The following PALM2AKAP2 variants were observed in gnomAD, a reference collection of about 807,000 sequenced individuals.
PALM2AKAP2 encodes PALM2-AKAP2 fusion protein.
Under a neutral mutation model 71.5 loss-of-function variants are expected in PALM2AKAP2, and 37 were observed. That is an observed-to-expected ratio of 0.52 (90% CI 0.40 to 0.68). The LOEUF (loss-of-function observed/expected upper bound fraction) is 0.68. PALM2AKAP2 is among the 30% of genes least tolerant of loss of function. The pLI is 0.00. For missense variants in PALM2AKAP2, 1,224 were observed against 1,191.8 expected (o/e 1.03, Z -0.40); for synonymous variants, 468 against 478.8 (o/e 0.98, Z 0.29).
intron 1 of PALM2AKAP2, among the ~76,000 whole-genome samples, chr9:109,859,543 T>C (rs868583581): frequency 1.5e-4 from 23 of 152,202 alleles, no homozygotes; most frequent in African/African-American, 5.3e-4. Flanking sequence ...CCAACAAATG[T>C]GTACAAATAT....
At chr9:110,115,120 C>T (rs1346517036) in intron 1 of PALM2AKAP2, among the ~76,000 whole-genome samples, 1 of 152,164 alleles carries the variant, frequency 6.6e-6, no homozygotes, top group African/African-American at 2.4e-5. Context: ...TGGACGGAAA[C>T]AGCTGACCAG....
At chr9:109,701,094 GTATA>G (rs892385976) in intron 1 of PALM2AKAP2, among the ~76,000 whole-genome samples, 3 of 152,100 alleles carry the variant, frequency 2.0e-5, no homozygotes, top group Non-Finnish European at 4.4e-5. Flanking sequence ...TAAGGTTGGG[GTATA>G]TATATTATGG....
At chr9:109,974,683 C>T (rs967613705) in intron 6 of PALM2AKAP2, among the ~76,000 whole-genome samples, 4 of 152,134 alleles carry the variant, frequency 2.6e-5, no homozygotes, top group Non-Finnish European at 4.4e-5. Flanking sequence ...GTAAGAAATA[C>T]CATTTTCTCA....
intron 5 of PALM2AKAP2, 73 bp from the exon 6 acceptor site, chr9:109,931,854 T>A: frequency 6.5e-7 from 1 of 1,527,054 alleles, no homozygotes; most frequent in South Asian, 1.2e-5. Flanking sequence ...GCAGACAAGC[T>A]GCTGTCTCGG....
intron 1 of PALM2AKAP2, among the ~76,000 whole-genome samples, chr9:109,819,682 G>A: frequency 9.2e-6 from 1 of 108,902 alleles, no homozygotes; most frequent in African/African-American, 3.0e-5. Flanking sequence ...CGTAAATAAA[G>A]GCCTAATTAT....
intron 6 of PALM2AKAP2, among the ~76,000 whole-genome samples, chr9:109,935,327 C>T (rs1831196241): frequency 6.6e-6 from 1 of 152,118 alleles, no homozygotes; most frequent in African/African-American, 2.4e-5. Context: ...CATGTTGGAA[C>T]CAAAGTCAGA....
At chr9:110,035,011 A>G (rs1308199892) in intron 7 of PALM2AKAP2, among the ~76,000 whole-genome samples, 2 of 151,666 alleles carry the variant, frequency 1.3e-5, no homozygotes, top group Non-Finnish European at 2.9e-5. Flanking sequence ...ATGAAAGGTC[A>G]ATTGAATTCG....
chr9:109,995,384 T>C (rs72754933), intron 6 of PALM2AKAP2, among the ~76,000 whole-genome samples: 1,594 of 152,276 alleles, frequency 0.01, 23 homozygotes, highest in African/African-American at 0.032. Context: ...CCAAGCACCA[T>C]GCCTGCAACA....
intron 1 of PALM2AKAP2, among the ~76,000 whole-genome samples, chr9:109,720,438 T>C (rs1327887618): frequency 6.6e-6 from 1 of 152,168 alleles, no homozygotes; most frequent in Non-Finnish European, 1.5e-5. Context: ...ATTGAGACTA[T>C]TGGTAGATCC....
At chr9:109,960,854 G>A (rs1831840625) in intron 6 of PALM2AKAP2, among the ~76,000 whole-genome samples, 1 of 152,180 alleles carries the variant, frequency 6.6e-6, no homozygotes, top group African/African-American at 2.4e-5. Flanking sequence ...CAGAATCATA[G>A]ACAAATTGTC....
chr9:110,117,972 T>TG (rs1564314548), intron 1 of PALM2AKAP2, among the ~76,000 whole-genome samples: 10 of 137,054 alleles, frequency 7.3e-5, no homozygotes, highest in African/African-American at 3.0e-4. Context: ...TATATGTCGT[T>TG]TTGTGTGTGT....
rs188665578 is a variant in PALM2AKAP2 at position 109,834,892 on chromosome 9, G to A, written c.46-32599G>A. Among the ~76,000 whole-genome samples, 76 of 152,192 alleles carry A rather than the reference G, an allele frequency of 5.0e-4. No individual in the cohort carries two copies. In the East Asian group the frequency reaches 0.011, roughly 22 times the overall value. On this transcript the variant is annotated intron_variant, in intron 1 of 9. Coordinates refer to the PALM2AKAP2 transcript ENST00000302798. ...GCATCCAGCTTCTCACCCATCTTTC[G>A]CTCAATTCATCCCTTTAATCATTTA...
chr9:110,090,098 C>T (rs947978169), intron 1 of PALM2AKAP2: 2 of 238,594 alleles, frequency 8.4e-6, no homozygotes, highest in Admixed American at 5.1e-5. Context: ...TTTCATTTGC[C>T]CTTGAAGGCT....
intron 1 of PALM2AKAP2, among the ~76,000 whole-genome samples, chr9:109,697,894 C>A (rs1291161430): frequency 6.6e-6 from 1 of 152,180 alleles, no homozygotes; most frequent in Admixed American, 6.5e-5. Flanking sequence ...AATTACCATT[C>A]ATTTTACCGC....
intron 1 of PALM2AKAP2, among the ~76,000 whole-genome samples, chr9:110,117,409 G>A (rs1835387064): frequency 6.6e-6 from 1 of 152,098 alleles, no homozygotes; most frequent in South Asian, 2.1e-4. Context: ...ACAGACACGA[G>A]CCACTGTACC....
chr9:109,990,467 G>A (rs1832457420), intron 6 of PALM2AKAP2, among the ~76,000 whole-genome samples: 2 of 152,170 alleles, frequency 1.3e-5, no homozygotes, highest in African/African-American at 4.8e-5. Flanking sequence ...ACATATTTCT[G>A]TATAGTGTCG....
At chr9:109,781,074 G>A (rs946223936) in intron 1 of PALM2AKAP2, among the ~76,000 whole-genome samples, 1 of 152,210 alleles carries the variant, frequency 6.6e-6, no homozygotes, top group Non-Finnish European at 1.5e-5. Context: ...CACCCTGGAG[G>A]TCTGGGGACT....
At chr9:109,824,015 A>G (rs555071065) in intron 1 of PALM2AKAP2, among the ~76,000 whole-genome samples, 1 of 151,992 alleles carries the variant, frequency 6.6e-6, no homozygotes, top group Non-Finnish European at 1.5e-5. Flanking sequence ...TCAGACTCCC[A>G]AGTATCTGGG....
chr9:110,142,494 A>G (rs2119139062), intron 2 of PALM2AKAP2, among the ~76,000 whole-genome samples: 1 of 152,354 alleles, frequency 6.6e-6, no homozygotes, highest in South Asian at 2.1e-4. Flanking sequence ...CTCTCAGGGA[A>G]CTTAATGGTT....
Sources: gnomAD v4.1 joint callset for allele counts (sites outside exome capture counted in the v4.1 genomes callset) on GRCh38, gnomAD v4.1.1 for gene constraint, MANE v1.5 for transcripts, NCBI Gene and HGNC (gene_info 2026-07-23, HGNC 2026-07-21) for gene names.